KCNH8: variants seen among roughly 807,000 people sequenced by gnomAD.
The protein encoded by KCNH8 is voltage-gated delayed rectifier potassium channel KCNH8.
A neutral mutation model predicts 103.6 loss-of-function variants in KCNH8; 70 were observed. The ratio of observed to expected loss-of-function variants is 0.68; its 90% confidence interval spans 0.56 to 0.82. KCNH8 has a LOEUF of 0.82. KCNH8 is among the 40% of genes least tolerant of loss of function. The pLI is 0.00. For synonymous variants in KCNH8, 498 were observed against 489.4 expected (o/e 1.02, Z -0.23); for missense variants, 1,217 against 1,329.9 (o/e 0.92, Z 1.32).
At chr3:19,406,995 T>A (rs2066701902) in intron 7 of KCNH8, among the ~76,000 whole-genome samples, 1 of 152,188 alleles carries the variant, frequency 6.6e-6, no homozygotes, top group Non-Finnish European at 1.5e-5. Flanking sequence ...CTCCAGAATA[T>A]TTCTGAAGAT....
At chr3:19,304,457 A>G (rs1398597314) in intron 3 of KCNH8, among the ~76,000 whole-genome samples, 1 of 152,148 alleles carries the variant, frequency 6.6e-6, no homozygotes, top group Non-Finnish European at 1.5e-5. Context: ...TAAATATTTA[A>G]TATCTCTAAA....
chr3:19,348,796 G>C (rs2065761600), intron 5 of KCNH8, among the ~76,000 whole-genome samples: 1 of 151,994 alleles, frequency 6.6e-6, no homozygotes, highest in Non-Finnish European at 1.5e-5. Flanking sequence ...TTTTCAAGCA[G>C]GTAGGTGAAC....
chr3:19,266,642 A>G (rs1306806382), intron 2 of KCNH8, among the ~76,000 whole-genome samples: 1 of 152,116 alleles, frequency 6.6e-6, no homozygotes, highest in Non-Finnish European at 1.5e-5. Flanking sequence ...AGTTCCTGAT[A>G]TATAGTAAAT....
intron 11 of KCNH8, among the ~76,000 whole-genome samples, chr3:19,485,543 C>T (rs542504227): frequency 1.3e-4 from 20 of 152,318 alleles, no homozygotes; most frequent in South Asian, 6.2e-4. Flanking sequence ...ACGGCCAATA[C>T]GATTGTGGCT....
At chr3:19,285,138 TTAAAA>T (rs1330618979) in intron 3 of KCNH8, among the ~76,000 whole-genome samples, 21 of 151,696 alleles carry the variant, frequency 1.4e-4, no homozygotes, top group African/African-American at 3.9e-4. Flanking sequence ...TTTTAGTTAA[TTAAAA>T]TTAAATTAAT....
rs75581717 is a variant in KCNH8, at chr3:19,361,119, T to C, written c.811+13154T>C. ...TGTAGTATTCTAACAATTCCTGTGC[T>C]CAGACCTGGAGTGAGATAGTGATGA... is the stretch of plus-strand genomic sequence containing the variant. On this transcript the variant is annotated intron_variant, in intron 5 of 15. Coordinates refer to ENST00000328405, the MANE Select transcript of KCNH8 (RefSeq NM_144633.3). Among the ~76,000 whole-genome samples, 274 of 152,188 alleles carry C rather than the reference T, an allele frequency of 1.8e-3. 8 individuals carry two copies. In the East Asian group the frequency reaches 0.048, roughly 27 times the overall value.
chr3:19,169,838 A>G (rs1001295869), intron 1 of KCNH8, among the ~76,000 whole-genome samples: 2 of 152,246 alleles, frequency 1.3e-5, no homozygotes, highest in Non-Finnish European at 2.9e-5. Context: ...GGATCCATAC[A>G]TATTCTTCTA....
intron 1 of KCNH8, among the ~76,000 whole-genome samples, chr3:19,149,295 AT>A (rs2063105425): frequency 6.6e-6 from 1 of 152,106 alleles, no homozygotes; most frequent in Non-Finnish European, 1.5e-5. Context: ...TTTCTGTAGA[AT>A]TTTAAGTGTT....
rs551389688 is a variant in KCNH8 at position 19,169,397 on chromosome 3, T to C, written c.76+20602T>C. Among the ~76,000 whole-genome samples the C allele has an allele frequency of 5.3e-5, 8 of 152,034 alleles. No homozygotes were observed. The South Asian group carries it at 1.7e-3, about 32-fold the overall frequency. On this transcript the variant is annotated intron_variant, in intron 1 of 15. Transcript: ENST00000328405. ...CTTCAGCCTCCCGAGTACCTGGGAC[T>C]ACAGGCGCCTGGCTAATTTTTTGTA...
At chr3:19,320,452 G>A (rs1160784172) in intron 3 of KCNH8, among the ~76,000 whole-genome samples, 1 of 151,840 alleles carries the variant, frequency 6.6e-6, no homozygotes, top group Non-Finnish European at 1.5e-5. Flanking sequence ...TTTATGTGGT[G>A]TATCATATCT....
At chr3:19,319,975 A>T (rs766624622) in intron 3 of KCNH8, among the ~76,000 whole-genome samples, 17 of 151,924 alleles carry the variant, frequency 1.1e-4, no homozygotes, top group Non-Finnish European at 2.4e-4. Flanking sequence ...TCACAAGTTT[A>T]TAGCAGAGAT....
At chr3:19,240,861 C>T (rs2064131437) in intron 1 of KCNH8, among the ~76,000 whole-genome samples, 1 of 152,006 alleles carries the variant, frequency 6.6e-6, no homozygotes. Flanking sequence ...AATCCATAGG[C>T]AAATTTTTCA....
intron 1 of KCNH8, among the ~76,000 whole-genome samples, chr3:19,238,226 T>G (rs2064089993): frequency 6.6e-6 from 1 of 152,230 alleles, no homozygotes; most frequent in African/African-American, 2.4e-5. Flanking sequence ...ATAGCCTTAG[T>G]TACTAGACAG....
chr3:19,528,035 A>T (rs1202416380), intron 15 of KCNH8, among the ~76,000 whole-genome samples: 1 of 152,034 alleles, frequency 6.6e-6, no homozygotes, highest in Non-Finnish European at 1.5e-5. Context: ...TGGTTTGGCC[A>T]ACAGTTTTAA....
chr3:19,450,090 GTGT>G lies in KCNH8; in HGVS notation c.1376-11_1376-9del. On this transcript the variant is annotated splice_polypyrimidine_tract_variant and intron_variant, in intron 8 of 15. Transcript: ENST00000328405. ...TCACATTTCTCTTCCATTATATACT[GTGT>G]TGTTCTTTCTAGCCTTGATGCACGC... is the stretch of plus-strand genomic sequence containing the variant. The G allele has an allele frequency of 6.2e-7, 1 of 1,608,806 alleles. No individual in the cohort carries two copies. Among genetic ancestry groups the G allele is most frequent in the Non-Finnish European group, 8.5e-7 (1 of 1,175,848 alleles).
At chr3:19,457,358 C>T (rs2067549829) in intron 11 of KCNH8, among the ~76,000 whole-genome samples, 1 of 151,950 alleles carries the variant, frequency 6.6e-6, no homozygotes, top group Non-Finnish European at 1.5e-5. Flanking sequence ...TTGTTCACTA[C>T]TCCAATTGCT....
chr3:19,490,093 A>T (rs1209861163), intron 11 of KCNH8, among the ~76,000 whole-genome samples: 3 of 152,210 alleles, frequency 2.0e-5, no homozygotes, highest in Non-Finnish European at 4.4e-5. Flanking sequence ...CCTACCCGAG[A>T]GTGCTCTCAG....
At chr3:19,322,133 T>C (rs1451921668) in intron 3 of KCNH8, among the ~76,000 whole-genome samples, 2 of 152,168 alleles carry the variant, frequency 1.3e-5, no homozygotes, top group Non-Finnish European at 2.9e-5. Flanking sequence ...CATGAATTCT[T>C]ACCCATTCTG....
chr3:19,465,101 C>T (rs924018400), intron 11 of KCNH8, among the ~76,000 whole-genome samples: 2 of 152,150 alleles, frequency 1.3e-5, no homozygotes, highest in African/African-American at 4.8e-5. Flanking sequence ...TTTAGCAATT[C>T]ATAAGTTTTA....
Sources: allele counts gnomAD v4.1 joint callset (sites outside exome capture counted in the v4.1 genomes callset), GRCh38; gene constraint gnomAD v4.1.1; transcripts MANE v1.5; gene names NCBI Gene and HGNC (gene_info 2026-07-23, HGNC 2026-07-21).